The following FBXO25 variants were observed in gnomAD, a reference collection of about 807,000 sequenced individuals.
FBXO25 encodes F-box only protein 25.
Under a neutral mutation model 51.9 loss-of-function variants are expected in FBXO25, and 45 were observed. The observed-to-expected ratio is 0.87, with a 90% CI of 0.68 to 1.11. The LOEUF (loss-of-function observed/expected upper bound fraction) is 1.11. Ranked by LOEUF, FBXO25 falls within the 50% of genes most tolerant of loss-of-function variation. FBXO25 has a pLI of 0.00. For missense variants in FBXO25, 507 were observed against 428.5 expected (o/e 1.18, Z -1.62); for synonymous variants, 199 against 151.0 (o/e 1.32, Z -2.33).
In FBXO25 at chr8:413,191, C is replaced by G. The variant is rs745520522; in HGVS notation, c.112C>G (p.Arg38Gly). The G allele has an allele frequency of 1.9e-6, 3 of 1,603,628 alleles. No individual in the cohort carries two copies. Among genetic ancestry groups the G allele is most frequent in the Non-Finnish European group, 2.6e-6 (3 of 1,176,308 alleles). Residue 38 changes from arginine to glycine, a missense_variant, in exon 2 of 10, where the codon CGT (arginine) becomes GGT (glycine). Transcript: ENST00000350302. ...TCAGAAACTTGAAAGAGAGAATAAC[C>G]GTTGTAACATCAGTCACAGCATGTA... ...CSQKLERENN[R>G]CNISHSIILN...
chr8:441,501 G>T (rs368108692), intron 5 of FBXO25, among the ~76,000 whole-genome samples: 22 of 152,164 alleles, frequency 1.4e-4, no homozygotes, highest in African/African-American at 4.8e-4. Flanking sequence ...GGCAACAAAA[G>T]CCAAAATTGA....
chr8:418,740 C>T (rs1362261160), intron 2 of FBXO25, among the ~76,000 whole-genome samples: 2 of 152,150 alleles, frequency 1.3e-5, no homozygotes. Context: ...ATTTACAAAA[C>T]ACTAGGATGC....
chr8:436,664 A>G (rs953053302), intron 5 of FBXO25, among the ~76,000 whole-genome samples: 14 of 152,056 alleles, frequency 9.2e-5, no homozygotes, highest in African/African-American at 2.9e-4. Flanking sequence ...CTCGATAGGT[A>G]CCTTTCTTAT....
intron 2 of FBXO25, among the ~76,000 whole-genome samples, chr8:427,224 A>G (rs1424638696): frequency 3.9e-5 from 6 of 152,082 alleles, no homozygotes; most frequent in African/African-American, 1.4e-4. Context: ...GAGCTGACCA[A>G]AATGTCCTCC....
At chr8:430,988 G>A (rs563069035) in intron 2 of FBXO25, among the ~76,000 whole-genome samples, 2 of 152,118 alleles carry the variant, frequency 1.3e-5, no homozygotes, top group Non-Finnish European at 2.9e-5. Context: ...CAAGTCATTG[G>A]TCAGTATTGG....
intron 5 of FBXO25, among the ~76,000 whole-genome samples, chr8:448,969 G>C (rs1438681725): frequency 1.3e-5 from 2 of 152,178 alleles, no homozygotes; most frequent in African/African-American, 4.8e-5. Flanking sequence ...GAACTACAGA[G>C]AGAACGCAAA....
intron 2 of FBXO25, among the ~76,000 whole-genome samples, chr8:426,572 C>T (rs1178254041): frequency 2.6e-5 from 4 of 152,044 alleles, no homozygotes; most frequent in African/African-American, 7.2e-5. Flanking sequence ...AAGTGGCACA[C>T]GCAGGAAGTC....
Position 431,342 on chromosome 8 carries a change from A to C in FBXO25, c.136A>C (p.Ile46Leu). ...NNRCNISHSI[I>L]LNSEDGEIFN... ...TAATAGAATGTGTCTTTATTTCAGT[A>C]TCTTAAATAGTGAAGATGGAGAAAT... Residue 46 changes from isoleucine (I) to leucine (L), a missense_variant and splice_region_variant, in exon 3 of 10, where the codon ATC becomes CTC. Transcript: ENST00000350302. 7.0e-7 allele frequency: 1 copy of C among 1,428,854 alleles called. No individual in the cohort carries two copies. Among genetic ancestry groups the C allele is most frequent in the Non-Finnish European group, 9.6e-7 (1 of 1,044,526 alleles). 88.5% of individuals were successfully genotyped at this position (1,428,854 alleles called of 1,614,324 possible).
At chr8:422,355 G>C (rs1256998581) in intron 2 of FBXO25, among the ~76,000 whole-genome samples, 1 of 152,296 alleles carries the variant, frequency 6.6e-6, no homozygotes. Flanking sequence ...CTAATTTGAC[G>C]GACATTCTAC....
At chr8:414,063 A>T (rs1412724601) in intron 2 of FBXO25, among the ~76,000 whole-genome samples, 2 of 152,192 alleles carry the variant, frequency 1.3e-5, no homozygotes, top group Non-Finnish European at 2.9e-5. Context: ...TGTGTGCTTG[A>T]TGGGCCATAT....
chr8:426,600 T>C (rs958589257), intron 2 of FBXO25, among the ~76,000 whole-genome samples: 2 of 151,768 alleles, frequency 1.3e-5, no homozygotes, highest in African/African-American at 2.4e-5. Flanking sequence ...GTGGGAGGCA[T>C]TGTTTTGTGT....
chr8:443,215 C>T (rs894588939), intron 5 of FBXO25, among the ~76,000 whole-genome samples: 5 of 151,228 alleles, frequency 3.3e-5, no homozygotes, highest in African/African-American at 9.8e-5. Context: ...GAATATAAGG[C>T]TCCTCATTAT....
Position 450,078 on chromosome 8 carries a change from A to C in FBXO25, c.470A>C (p.Gln157Pro). ...TTCAACATTTTGGATAAAATCGTTC[A>C]AAAGGGTAAGATGATCACTGTATTT... ...NYFNILDKIV[Q>P]KVLDDHHNPR... The change falls in exon 6 of 10, where the codon CAA becomes CCA. Residue 157 changes from glutamine to proline, a missense_variant. By Grantham distance (76) the Gln-to-Pro change is moderately conservative. Transcript: ENST00000350302. The C allele has an allele frequency of 6.2e-7, 1 of 1,608,754 alleles. No homozygotes were observed. The highest frequency in any genetic ancestry group is 8.5e-7 in the Non-Finnish European group (1 of 1,176,198).
chr8:410,338 C>T (rs1477612503), intron 1 of FBXO25, among the ~76,000 whole-genome samples: 1 of 152,090 alleles, frequency 6.6e-6, no homozygotes, highest in Admixed American at 6.5e-5. Flanking sequence ...GAACATCTAG[C>T]ATAATAACAT....
chr8:429,265 G>A (rs777125921), intron 2 of FBXO25, among the ~76,000 whole-genome samples: 33 of 151,982 alleles, frequency 2.2e-4, no homozygotes, highest in Middle Eastern at 3.2e-3. Context: ...GTATCTCATC[G>A]TAGTGTTAAT....
At chr8:445,337 G>T (rs1798672082) in intron 5 of FBXO25, among the ~76,000 whole-genome samples, 1 of 152,192 alleles carries the variant, frequency 6.6e-6, no homozygotes, top group Non-Finnish European at 1.5e-5. Context: ...AGGGGAGGTA[G>T]TCGGGAAGAC....
intron 9 of FBXO25, chr8:467,619 T>C: frequency 8.5e-7 from 1 of 1,174,546 alleles, no homozygotes; most frequent in South Asian, 1.3e-5. Context: ...GAATCAAACC[T>C]GAATGCTTAG....
At chr8:452,775 G>T (rs941823765) in intron 7 of FBXO25, among the ~76,000 whole-genome samples, 20 of 152,206 alleles carry the variant, frequency 1.3e-4, no homozygotes, top group African/African-American at 4.8e-4. Context: ...GATGTGCACC[G>T]GTGGAGACAA....
intron 8 of FBXO25, among the ~76,000 whole-genome samples, chr8:459,113 C>T (rs753048306): frequency 3.3e-5 from 5 of 152,196 alleles, no homozygotes; most frequent in Non-Finnish European, 7.3e-5. Flanking sequence ...CCCTGTGGTC[C>T]CTGTTCCTGG....
Sources: gnomAD v4.1 joint callset for allele counts (sites outside exome capture counted in the v4.1 genomes callset) on GRCh38, gnomAD v4.1.1 for gene constraint, MANE v1.5 for transcripts, NCBI Gene and HGNC (gene_info 2026-07-23, HGNC 2026-07-21) for gene names.